Variants in TWIST2 observed in about 807,000 individuals in gnomAD.
The protein encoded by TWIST2 is twist-related protein 2.
A neutral mutation model predicts 11.6 loss-of-function variants in TWIST2; 1 was observed. The observed-to-expected ratio is 0.09, with a 90% confidence interval of 0.03 to 0.41. The LOEUF (loss-of-function observed/expected upper bound fraction) is 0.41, where lower values mean the gene tolerates loss of function less well. Ranked by LOEUF, TWIST2 falls within the 10% of genes least tolerant of loss-of-function variation. The pLI is 0.98. For missense variants in TWIST2, 168 were observed against 226.4 expected, an observed-to-expected ratio of 0.74 and a Z score of 1.66; for synonymous variants, 87 against 96.6, an observed-to-expected ratio of 0.90 and a Z score of 0.58.
At chr2:238,853,446 A>AGG (rs1692277858) in intron 1 of TWIST2, among the ~76,000 whole-genome samples, 1 of 63,468 alleles carries the variant, frequency 1.6e-5, no homozygotes, top group Admixed American at 1.6e-4. Context: ...AGAGGGAGAG[A>AGG]TGGAGAGAGA....
rs930524438 is a variant in TWIST2 at position 238,864,511 on chromosome 2, G to C, written c.*35+15778G>C. Among the ~76,000 whole-genome samples, 1 of 151,526 alleles carries C rather than the reference G, an allele frequency of 6.6e-6. No homozygotes were observed. The highest frequency in any genetic ancestry group is 6.6e-5 in the Admixed American group (1 of 15,236). ...TGGAGCAGAGTGCAGGGTTGGAGGC[G>C]GCTCCCAGTTCCAAGGCGCGCCCCA... On this transcript the variant is annotated intron_variant, in intron 1 of 1. Transcript: ENST00000612363. The surrounding 1 kb of genome is among the most constrained non-coding windows in gnomAD (Gnocchi z 4.7).
At chr2:238,880,270 A>T (rs991394551) in intron 1 of TWIST2, among the ~76,000 whole-genome samples, 1 of 150,730 alleles carries the variant, frequency 6.6e-6, no homozygotes. Context: ...TATTAGTGTT[A>T]GTACTAGTAT....
chr2:238,875,809 G>T (rs1430254638), intron 1 of TWIST2, among the ~76,000 whole-genome samples: 1 of 152,212 alleles, frequency 6.6e-6, no homozygotes, highest in Admixed American at 6.5e-5. Flanking sequence ...AGATGGAAAG[G>T]TTACCTCACA....
Position 238,893,118 on chromosome 2 carries a change from C to G in TWIST2, c.*36-16724C>G, listed in dbSNP as rs147108830. Reference sequence around the variant, plus strand: ...CTGAAATCTGAGTTCCCAGGGATTTCTGGGACCTGGCATTGAATTATAGGA... The same window carrying G: ...CTGAAATCTGAGTTCCCAGGGATTTGTGGGACCTGGCATTGAATTATAGGA... On this transcript the variant is annotated intron_variant, in intron 1 of 1. Coordinates refer to ENST00000612363, the MANE Select transcript of TWIST2 (RefSeq NM_001271893.4). Among the ~76,000 whole-genome samples the G allele has an allele frequency of 9.3e-3, 1,421 of 152,300 alleles. 25 individuals carry two copies. The highest frequency in any genetic ancestry group is 0.031 in the African/African-American group (1,276 of 41,544).
chr2:238,865,932 C>A (rs968296789), intron 1 of TWIST2, among the ~76,000 whole-genome samples: 1 of 152,172 alleles, frequency 6.6e-6, no homozygotes, highest in Non-Finnish European at 1.5e-5. Context: ...GGGGTCGGAT[C>A]GGCCCTTCTT....
At chr2:238,891,679 G>A (rs1284965149) in intron 1 of TWIST2, among the ~76,000 whole-genome samples, 1 of 152,208 alleles carries the variant, frequency 6.6e-6, no homozygotes, top group Non-Finnish European at 1.5e-5. Context: ...GAGAAGGTTC[G>A]AGGGTCATCC....
intron 1 of TWIST2, among the ~76,000 whole-genome samples, chr2:238,852,775 G>A (rs1692264460): frequency 6.6e-6 from 1 of 152,184 alleles, no homozygotes; most frequent in Non-Finnish European, 1.5e-5. Flanking sequence ...TATGATAATT[G>A]CAAGATGTCA....
Position 238,872,846 on chromosome 2 carries a change from G to A in TWIST2, c.*35+24113G>A, listed in dbSNP as rs370701574. Among the ~76,000 whole-genome samples, 202 of 152,306 alleles carry A rather than the reference G, an allele frequency of 1.3e-3. 3 individuals carry two copies. The highest frequency in any genetic ancestry group is 4.5e-3 in the African/African-American group (188 of 41,570). Reference sequence around the variant, plus strand: ...GCACACGCTCCGCAGATGGTTTTGCGTAGCTGGTATCATGTGGGGCAGCTG... The same window carrying A: ...GCACACGCTCCGCAGATGGTTTTGCATAGCTGGTATCATGTGGGGCAGCTG... On this transcript the variant is annotated intron_variant, in intron 1 of 1. Transcript: ENST00000612363.
At chr2:238,868,607 A>C (rs2106356715) in intron 1 of TWIST2, among the ~76,000 whole-genome samples, 1 of 152,264 alleles carries the variant, frequency 6.6e-6, no homozygotes, top group South Asian at 2.1e-4. Flanking sequence ...GCTGTTTCCC[A>C]CAGTGGACAC....
intron 1 of TWIST2, among the ~76,000 whole-genome samples, chr2:238,855,344 C>T (rs905168416): frequency 1.3e-5 from 2 of 152,220 alleles, no homozygotes; most frequent in African/African-American, 4.8e-5. Flanking sequence ...CTGTTCACAT[C>T]ATTGACACCA....
At chr2:238,901,486 T>C (rs1693268277) in intron 1 of TWIST2, among the ~76,000 whole-genome samples, 1 of 152,234 alleles carries the variant, frequency 6.6e-6, no homozygotes, top group African/African-American at 2.4e-5. Context: ...ATTCTGCTGC[T>C]CTGAGGCTGG....
intron 1 of TWIST2, among the ~76,000 whole-genome samples, chr2:238,865,064 G>A (rs1010663524): frequency 6.6e-6 from 1 of 152,156 alleles, no homozygotes; most frequent in Admixed American, 6.5e-5. Context: ...CTCGTTGAAA[G>A]TCCACCCAGC....
At chr2:238,871,161 CCCCA>C (rs1426018194) in intron 1 of TWIST2, among the ~76,000 whole-genome samples, 1 of 13,242 alleles carries the variant, frequency 7.6e-5, no homozygotes, top group African/African-American at 3.2e-4. Context: ...ACACCACACA[CCCCA>C]CACACACACC....
intron 1 of TWIST2, among the ~76,000 whole-genome samples, chr2:238,880,759 AT>A (rs1692905610): frequency 8.7e-6 from 1 of 114,716 alleles, no homozygotes; most frequent in African/African-American, 3.7e-5. Context: ...TGGTGTTAAT[AT>A]TAGCATTAGT....
At chr2:238,861,561 C>G (rs1197982712) in intron 1 of TWIST2, among the ~76,000 whole-genome samples, 2 of 152,148 alleles carry the variant, frequency 1.3e-5, no homozygotes, top group African/African-American at 2.4e-5. Context: ...CCGCCCTTGT[C>G]TCCTCCACTC....
intron 1 of TWIST2, among the ~76,000 whole-genome samples, chr2:238,856,437 TC>T (rs1692330148): frequency 6.6e-6 from 1 of 152,164 alleles, no homozygotes; most frequent in Non-Finnish European, 1.5e-5. Flanking sequence ...GTGAATAATA[TC>T]ATGTAATTTC....
At chr2:238,859,274 C>T (rs1692385340) in intron 1 of TWIST2, among the ~76,000 whole-genome samples, 1 of 151,166 alleles carries the variant, frequency 6.6e-6, no homozygotes. Context: ...AAACATTATG[C>T]TAAGCTCAAG....
chr2:238,853,448 GGAGAGAGA>G (rs375821278), intron 1 of TWIST2, among the ~76,000 whole-genome samples: 35 of 130,700 alleles, frequency 2.7e-4, no homozygotes, highest in South Asian at 1.8e-3. Context: ...AGGGAGAGAT[GGAGAGAGA>G]GAGAGAGAGA....
chr2:238,875,342 G>A (rs571439466), intron 1 of TWIST2, among the ~76,000 whole-genome samples: 1 of 151,734 alleles, frequency 6.6e-6, no homozygotes, highest in Non-Finnish European at 1.5e-5. Flanking sequence ...AGAAGAAGAC[G>A]GCCTCTTCCA....
Sources: allele counts gnomAD v4.1 joint callset (sites outside exome capture counted in the v4.1 genomes callset), GRCh38; gene constraint gnomAD v4.1.1; non-coding constraint Gnocchi (gnomAD v3.1); transcripts MANE v1.5; gene names NCBI Gene and HGNC (gene_info 2026-07-23, HGNC 2026-07-21).